The following ANKFN1 variants were observed in gnomAD, a reference collection of about 807,000 sequenced individuals.
The protein encoded by ANKFN1 is ankyrin repeat and fibronectin type III domain containing 1.
Under a neutral mutation model 108.7 loss-of-function variants are expected in ANKFN1, and 74 were observed. The observed-to-expected ratio is 0.68, with a 90% CI of 0.56 to 0.83. The LOEUF (loss-of-function observed/expected upper bound fraction) is 0.83, where lower values mean the gene tolerates loss of function less well. Ranked by LOEUF, ANKFN1 falls within the 40% of genes least tolerant of loss-of-function variation. The pLI is 0.00. For missense variants in ANKFN1, 1,505 were observed against 1,382.3 expected, an observed-to-expected ratio of 1.09 and a Z score of -1.41; for synonymous variants, 547 against 516.2, an observed-to-expected ratio of 1.06 and a Z score of -0.81.
At chr17:56,319,734 AT>A (rs2045310543) in intron 3 of ANKFN1, among the ~76,000 whole-genome samples, 1 of 152,168 alleles carries the variant, frequency 6.6e-6, no homozygotes, top group Non-Finnish European at 1.5e-5. Flanking sequence ...ACTGCCACCT[AT>A]TGATAGGTGA....
chr17:56,380,651 A>C (rs2047071027), intron 8 of ANKFN1, among the ~76,000 whole-genome samples: 3 of 152,250 alleles, frequency 2.0e-5, no homozygotes, highest in Admixed American at 2.0e-4. Context: ...CATGGCTCAG[A>C]GGGTCCTACG....
At chr17:56,063,535 C>T (rs1905012379) in intron 4 of ANKFN1, among the ~76,000 whole-genome samples, 4 of 151,206 alleles carry the variant, frequency 2.6e-5, no homozygotes, top group Admixed American at 6.6e-5. Context: ...TCTGCTTGGT[C>T]GATTTGGCTA....
chr17:56,304,794 T>C (rs1446557462), intron 3 of ANKFN1, among the ~76,000 whole-genome samples: 1 of 152,258 alleles, frequency 6.6e-6, no homozygotes, highest in Non-Finnish European at 1.5e-5. Flanking sequence ...AGTATAATTT[T>C]ACACATTTAT....
intron 8 of ANKFN1, among the ~76,000 whole-genome samples, chr17:56,390,195 C>T (rs1471472259): frequency 6.6e-6 from 1 of 152,008 alleles, no homozygotes; most frequent in East Asian, 1.9e-4. Context: ...TCTCCCTCCC[C>T]TTGCCCCCCA....
chr17:56,047,419 C>T (rs1904698398), intron 4 of ANKFN1, among the ~76,000 whole-genome samples: 1 of 152,102 alleles, frequency 6.6e-6, no homozygotes, highest in South Asian at 2.1e-4. Flanking sequence ...TGGCTTTGAG[C>T]AGCTGTGTGT....
chr17:56,387,123 A>G (rs1461886586), intron 8 of ANKFN1, among the ~76,000 whole-genome samples: 1 of 151,946 alleles, frequency 6.6e-6, no homozygotes, highest in African/African-American at 2.4e-5. Flanking sequence ...CATAAATTCT[A>G]TTTTATGCTT....
Position 56,466,386 on chromosome 17 carries a change from G to GTT in ANKFN1, c.1590_1591dup (p.Tyr531PhefsTer15). ...ACTTGGGACACACAACTTGGGAAGA[G>GTT]TTTACTATGAGCCCATTAAAGATCG... On this transcript the variant is annotated frameshift_variant, in exon 15 of 21. Coordinates refer to ENST00000682825, the MANE Select transcript of ANKFN1 (RefSeq NM_001370326.1). LOFTEE classifies it high-confidence loss of function. 4.3e-6 allele frequency: 7 copies of GTT among 1,614,114 alleles called. No homozygotes were observed. The highest frequency in any genetic ancestry group is 5.9e-6 in the Non-Finnish European group (7 of 1,180,010).
chr17:56,098,886 G>C (rs997808292), intron 4 of ANKFN1, among the ~76,000 whole-genome samples: 2 of 119,888 alleles, frequency 1.7e-5, no homozygotes, highest in Admixed American at 1.7e-4. Flanking sequence ...TGTGTGTGTT[G>C]GGTGCTAGAT....
In ANKFN1 at chr17:56,203,708, T is replaced by G. The variant is rs1007670700; in HGVS notation, c.-70-8890T>G. Among the ~76,000 whole-genome samples, 5 of 152,334 alleles carry G rather than the reference T, an allele frequency of 3.3e-5. No homozygotes were observed. The East Asian group carries it at 5.8e-4, about 18-fold the overall frequency. ...AGAACTAGTCATGTGATTTCATTCATGTACAAACGAGTCAGGAAGTCAGCT... is the reference window on the plus strand; with the variant it reads ...AGAACTAGTCATGTGATTTCATTCAGGTACAAACGAGTCAGGAAGTCAGCT... On this transcript the variant is annotated intron_variant, in intron 1 of 20. Transcript: ENST00000682825.
chr17:56,420,498 T>C (rs2048366148), intron 8 of ANKFN1, among the ~76,000 whole-genome samples: 1 of 152,204 alleles, frequency 6.6e-6, no homozygotes, highest in South Asian at 2.1e-4. Flanking sequence ...CATTCTGATA[T>C]ACTATCTTTA....
intron 8 of ANKFN1, among the ~76,000 whole-genome samples, chr17:56,423,490 G>A (rs772146199): frequency 6.6e-6 from 1 of 152,140 alleles, no homozygotes; most frequent in Non-Finnish European, 1.5e-5. Flanking sequence ...TCATTCCCTT[G>A]CTCATAAACC....
chr17:56,131,874 A>G (rs920377181), intron 4 of ANKFN1, among the ~76,000 whole-genome samples: 5 of 152,194 alleles, frequency 3.3e-5, no homozygotes, highest in Admixed American at 6.6e-5. Flanking sequence ...AATTTCTTTT[A>G]AAGATGAGAA....
chr17:56,414,404 A>G lies in ANKFN1; in HGVS notation c.911-25923A>G, dbSNP rs150249730. On this transcript the variant is annotated intron_variant, in intron 8 of 20. Transcript: ENST00000682825. ...TCCAAACTCATTCTACAAGGCTAGT[A>G]TTACACTTATACTATAACCAGACAA... Among the ~76,000 whole-genome samples, 3 of 152,340 alleles carry G rather than the reference A, an allele frequency of 2.0e-5. No individual in the cohort carries two copies. In the East Asian group the frequency reaches 5.8e-4, roughly 29 times the overall value.
rs75295223 is a variant in ANKFN1, at chr17:56,106,331, A to G, written c.288+60006A>G. On this transcript the variant is annotated intron_variant, in intron 4 of 12. Coordinates refer to the ANKFN1 transcript ENST00000635860. Reference sequence around the variant, plus strand: ...TCTGCCCTTTCCTAGAGTTGTCATGAGGACAACAGTAAGTGAGATGAGTGT... The same window carrying G: ...TCTGCCCTTTCCTAGAGTTGTCATGGGGACAACAGTAAGTGAGATGAGTGT... Among the ~76,000 whole-genome samples, 15 of 152,326 alleles carry G rather than the reference A, an allele frequency of 9.8e-5. No individual in the cohort carries two copies. The East Asian group carries it at 2.9e-3, about 29-fold the overall frequency.
At chr17:56,463,678 G>A (rs1431953001) in intron 14 of ANKFN1, 2 of 152,210 alleles carry the variant, frequency 1.3e-5, no homozygotes, top group African/African-American at 4.8e-5. Context: ...ATCTGACACT[G>A]CAGATTGTGC....
intron 3 of ANKFN1, among the ~76,000 whole-genome samples, chr17:56,305,707 A>T (rs2044801873): frequency 6.6e-6 from 1 of 151,534 alleles, no homozygotes; most frequent in African/African-American, 2.4e-5. Flanking sequence ...AAGTTTTAAA[A>T]CTCTTCCTAG....
Position 56,457,164 on chromosome 17 carries a change from A to C in ANKFN1, c.1308-93A>C, listed in dbSNP as rs184109747. ...TGATACTTAGCAGGAATACGTTCCT[A>C]GGTATATTTTAAATTCATCTTTTAT... On this transcript the variant is annotated intron_variant, in intron 12 of 20. Coordinates refer to ENST00000682825, the MANE Select transcript of ANKFN1 (RefSeq NM_001370326.1). 16 of 1,289,034 alleles carry C rather than the reference A, an allele frequency of 1.2e-5. No homozygotes were observed. The African/African-American group carries it at 2.1e-4, about 17-fold the overall frequency. The allele number at this position is 1,289,034 out of a possible 1,614,324, so 79.8% of individuals were successfully genotyped here.
At chr17:56,460,430 G>T (rs1211963908) in intron 14 of ANKFN1, among the ~76,000 whole-genome samples, 4 of 151,900 alleles carry the variant, frequency 2.6e-5, no homozygotes, top group Non-Finnish European at 5.9e-5. Context: ...TCCAGCCTGG[G>T]TGAAAGAGTA....
At chr17:56,298,947 C>T (rs985017800) in intron 3 of ANKFN1, among the ~76,000 whole-genome samples, 6 of 152,118 alleles carry the variant, frequency 3.9e-5, no homozygotes, top group Admixed American at 1.3e-4. Context: ...CACATTTACC[C>T]CATCTCAGTG....
Sources: gnomAD v4.1 joint callset for allele counts (sites outside exome capture counted in the v4.1 genomes callset) on GRCh38, gnomAD v4.1.1 for gene constraint, MANE v1.5 for transcripts, NCBI Gene and HGNC (gene_info 2026-07-23, HGNC 2026-07-21) for gene names.